ARL6IP6: variants seen among roughly 807,000 people sequenced by gnomAD.
The protein encoded by ARL6IP6 is ARF like GTPase 6 interacting protein 6.
A neutral mutation model predicts 21.5 loss-of-function variants in ARL6IP6; 22 were observed. The ratio of observed to expected loss-of-function variants is 1.02; its 90% CI spans 0.73 to 1.46. ARL6IP6 has a LOEUF of 1.46. Among genes scored for constraint, ARL6IP6 ranks in the 40% most tolerant of loss-of-function variants. ARL6IP6 has a pLI of 0.00. For missense variants in ARL6IP6, 388 were observed against 299.8 expected, an observed-to-expected ratio of 1.29 and a Z score of -2.17; for synonymous variants, 164 against 125.3, an observed-to-expected ratio of 1.31 and a Z score of -2.06.
At chr2:152,739,804 C>A (rs1327977343) in intron 3 of ARL6IP6, among the ~76,000 whole-genome samples, 2 of 152,192 alleles carry the variant, frequency 1.3e-5, no homozygotes, top group South Asian at 4.1e-4. Context: ...ACTCACAGTT[C>A]CACATGGCAG....
intron 3 of ARL6IP6, among the ~76,000 whole-genome samples, chr2:152,755,693 C>T (rs1484971894): frequency 1.3e-5 from 2 of 152,194 alleles, no homozygotes; most frequent in Admixed American, 1.3e-4. Context: ...GCCCCTTTTG[C>T]TTTGTATCCA....
chr2:152,731,618 A>G (rs1700316015), intron 2 of ARL6IP6, among the ~76,000 whole-genome samples: 1 of 152,022 alleles, frequency 6.6e-6, no homozygotes, highest in Non-Finnish European at 1.5e-5. Flanking sequence ...GAATTTTTTT[A>G]TTTTTTACAA....
intron 3 of ARL6IP6, among the ~76,000 whole-genome samples, chr2:152,757,268 G>A (rs936820454): frequency 6.6e-6 from 1 of 152,136 alleles, no homozygotes; most frequent in Admixed American, 6.5e-5. Flanking sequence ...TCTTTTTGCA[G>A]TGCCAGAAAT....
At chr2:152,721,645 CATTTG>C (rs1030169219) in intron 2 of ARL6IP6, among the ~76,000 whole-genome samples, 2 of 152,180 alleles carry the variant, frequency 1.3e-5, no homozygotes, top group Non-Finnish European at 2.9e-5. Context: ...TAAATTAAAT[CATTTG>C]ATTTGATCAC....
At chr2:152,718,310 T>G (rs1010911080), upstream of ARL6IP6, 18 of 292,860 alleles carry the variant, frequency 6.1e-5, no homozygotes, top group Non-Finnish European at 1.0e-4. Flanking sequence ...GTGGCGGAGG[T>G]CTCCGGCCGG....
At chr2:152,741,546 GA>G (rs1325285216) in intron 3 of ARL6IP6, among the ~76,000 whole-genome samples, 5 of 152,010 alleles carry the variant, frequency 3.3e-5, no homozygotes, top group Non-Finnish European at 7.4e-5. Flanking sequence ...AATATTAGGT[GA>G]CATATTTAAT....
Position 152,735,062 on chromosome 2 carries a change from A to G in ARL6IP6, c.523A>G (p.Thr175Ala). 1.2e-6 allele frequency: 2 copies of G among 1,613,452 alleles called. No homozygotes were observed. Among genetic ancestry groups the G allele is most frequent in the African/African-American group, 1.3e-5 (1 of 75,000 alleles). ...CTGTTGCAGCTTTTCTTGGACAGTG[A>G]CTTACTTTGATTCTTTTGAACCAGG... ...FSCCSFSWTV[T>A]YFDSFEPGMF... Residue 175 changes from threonine (T) to alanine (A), a missense_variant, in exon 3 of 4, where the codon ACT (threonine) becomes GCT (alanine). By Grantham distance (58) the Thr-to-Ala change is moderately conservative (BLOSUM62 0). Transcript: ENST00000326446.
intron 3 of ARL6IP6, among the ~76,000 whole-genome samples, chr2:152,757,182 A>G (rs1163797283): frequency 6.6e-6 from 1 of 152,186 alleles, no homozygotes; most frequent in African/African-American, 2.4e-5. Context: ...AGCAAGTGAA[A>G]CTAATCTTGG....
chr2:152,748,713 T>G (rs555993588), intron 3 of ARL6IP6, among the ~76,000 whole-genome samples: 1 of 152,314 alleles, frequency 6.6e-6, no homozygotes, highest in African/African-American at 2.4e-5. Context: ...CAGCTGGAAA[T>G]GAAGTTATTA....
At chr2:152,719,771 A>G in intron 1 of ARL6IP6, 1 of 314,308 alleles carries the variant, frequency 3.2e-6, no homozygotes, top group Admixed American at 4.7e-5. Context: ...AAAAAAAAAA[A>G]AAACAAAAGA....
At chr2:152,749,340 C>T (rs937591571) in intron 3 of ARL6IP6, among the ~76,000 whole-genome samples, 1 of 151,948 alleles carries the variant, frequency 6.6e-6, no homozygotes, top group African/African-American at 2.4e-5. Context: ...CACACACGCA[C>T]GCACGCGAGA....
chr2:152,742,562 A>T (rs1445169503), intron 3 of ARL6IP6, among the ~76,000 whole-genome samples: 1 of 140,472 alleles, frequency 7.1e-6, no homozygotes, highest in Non-Finnish European at 1.5e-5. Flanking sequence ...AGAGCAAGAT[A>T]CGCTCTTTAA....
At chr2:152,724,531 A>G (rs1699945331) in intron 2 of ARL6IP6, among the ~76,000 whole-genome samples, 1 of 152,260 alleles carries the variant, frequency 6.6e-6, no homozygotes, top group South Asian at 2.1e-4. Flanking sequence ...GTGCAGCTAA[A>G]TTATTAGTCA....
chr2:152,718,022 G>A (rs1699266903), upstream of ARL6IP6: 4 of 995,312 alleles, frequency 4.0e-6, no homozygotes, highest in East Asian at 1.1e-4. Flanking sequence ...TGGGGAAGGA[G>A]GCGTGTCGAG....
chr2:152,733,464 T>C lies in ARL6IP6; in HGVS notation c.455-1530T>C, dbSNP rs1392644131. Among the ~76,000 whole-genome samples the C allele has an allele frequency of 2.0e-5, 3 of 152,176 alleles. No individual in the cohort carries two copies. The East Asian group carries it at 5.8e-4, about 29-fold the overall frequency. Reference sequence around the variant, plus strand: ...ATTTTTAGTAGAGGTGGTTTCACCGTGTTGGCCAGATTGGTCTCAAACTCT... The same window carrying C: ...ATTTTTAGTAGAGGTGGTTTCACCGCGTTGGCCAGATTGGTCTCAAACTCT... On this transcript the variant is annotated intron_variant, in intron 2 of 3. Transcript: ENST00000326446.
chr2:152,728,551 T>C (rs1393436591), intron 2 of ARL6IP6, among the ~76,000 whole-genome samples: 1 of 152,164 alleles, frequency 6.6e-6, no homozygotes, highest in Non-Finnish European at 1.5e-5. Context: ...GAAGGTTTTA[T>C]AGAAATAAAG....
At position 152,762,066 on chromosome 2, in the gene ARL6IP6, A is replaced by G. The variant is rs759692580; in HGVS notation, c.*2226A>G. On this transcript the variant is annotated 3_prime_UTR_variant, in exon 4 of 4. Coordinates refer to ENST00000326446, the MANE Select transcript of ARL6IP6 (RefSeq NM_152522.7). ...GTCCAAATATAAATCATCTATATGC[A>G]GAATGATTAGGCAAGGATAGTCACC... Among the ~76,000 whole-genome samples the G allele has an allele frequency of 3.9e-5, 6 of 152,222 alleles. No individual in the cohort carries two copies. Among genetic ancestry groups the G allele is most frequent in the Non-Finnish European group, 8.8e-5 (6 of 68,036 alleles).
chr2:152,754,676 CA>C (rs1300297439), intron 3 of ARL6IP6, among the ~76,000 whole-genome samples: 1 of 152,162 alleles, frequency 6.6e-6, no homozygotes, highest in Non-Finnish European at 1.5e-5. Context: ...TTTACATTCC[CA>C]CCAGCAATGT....
intron 3 of ARL6IP6, among the ~76,000 whole-genome samples, chr2:152,736,870 A>G (rs1025448845): frequency 2.0e-5 from 3 of 152,232 alleles, no homozygotes; most frequent in Non-Finnish European, 4.4e-5. Context: ...TGCATACGTT[A>G]TAGGCTAATA....
Sources: gnomAD v4.1 joint callset for allele counts (sites outside exome capture counted in the v4.1 genomes callset) on GRCh38, gnomAD v4.1.1 for gene constraint, MANE v1.5 for transcripts, NCBI Gene and HGNC (gene_info 2026-07-23, HGNC 2026-07-21) for gene names.